ZNF143: variants seen among roughly 807,000 people sequenced by gnomAD.
The protein encoded by ZNF143 is zinc finger protein 143, also known as SPH-binding factor.
ZNF143 carries 49 observed loss-of-function variants against 74.1 expected under a neutral mutation model. The observed-to-expected ratio is 0.66, with a 90% confidence interval of 0.53 to 0.84. ZNF143 has a LOEUF of 0.84. Among genes scored for constraint, ZNF143 ranks in the 40% least tolerant of loss-of-function variants. ZNF143 has a pLI of 0.00. For missense variants in ZNF143, 637 were observed against 793.4 expected (o/e 0.80, Z 2.37); for synonymous variants, 304 against 282.8 (o/e 1.07, Z -0.75).
chr11:9,525,104 T>G, intron 14 of ZNF143, 136 bp from the exon 15 acceptor site: 1 of 1,023,308 alleles, frequency 9.8e-7, no homozygotes, highest in Non-Finnish European at 1.4e-6. Flanking sequence ...CCTTTCAATA[T>G]AGGCTTTGAC....
At chr11:9,493,872 A>G (rs891128554) in intron 7 of ZNF143, among the ~76,000 whole-genome samples, 2 of 152,224 alleles carry the variant, frequency 1.3e-5, no homozygotes, top group African/African-American at 2.4e-5. Context: ...TCTAGTGAAT[A>G]TAAGTACAGA....
At chr11:9,510,229 A>G (rs1444658756) in intron 12 of ZNF143, among the ~76,000 whole-genome samples, 1 of 149,538 alleles carries the variant, frequency 6.7e-6, no homozygotes, top group Non-Finnish European at 1.5e-5. Context: ...GGTTCATTCC[A>G]TTCTCCTGCC....
Position 9,512,392 on chromosome 11 carries a change from A to G in ZNF143, c.1376-56A>G, listed in dbSNP as rs545474934. The G allele has an allele frequency of 1.4e-5, 22 of 1,575,840 alleles. 1 individual carries two copies. Among genetic ancestry groups the G allele is most frequent in the Middle Eastern group, 2.1e-4 (1 of 4,840 alleles). ...TTCTCTTTAATATTTAAAATGTCCT[A>G]TTTTCTAAACAAATTGGTTGGTTGG... On this transcript the variant is annotated intron_variant, in intron 12 of 15. Transcript: ENST00000396602.
intron 7 of ZNF143, among the ~76,000 whole-genome samples, chr11:9,491,102 C>A (rs1186316828): frequency 6.6e-6 from 1 of 152,196 alleles, no homozygotes; most frequent in Non-Finnish European, 1.5e-5. Context: ...ATTTCACATA[C>A]TAGCTGGGCA....
chr11:9,471,208 C>A, intron 1 of ZNF143, 94 bp from the exon 2 acceptor site: 1 of 1,040,778 alleles, frequency 9.6e-7, no homozygotes, highest in Non-Finnish European at 1.4e-6. Flanking sequence ...ACCATTACAT[C>A]CTCAGCAGCT....
intron 7 of ZNF143, among the ~76,000 whole-genome samples, chr11:9,491,317 A>T (rs73406277): frequency 0.035 from 5,286 of 149,416 alleles, 290 homozygotes; most frequent in African/African-American, 0.12. Flanking sequence ...TTTCTATTTT[A>T]TTTCTGTATT....
rs1368877004 is a variant in ZNF143 at position 9,516,270 on chromosome 11, C to T, written c.1594C>T (p.Pro532Ser). 1 of 1,614,078 alleles carries T rather than the reference C, an allele frequency of 6.2e-7. No individual in the cohort carries two copies. Among genetic ancestry groups the T allele is most frequent in the Non-Finnish European group, 8.5e-7 (1 of 1,179,944 alleles). Residue 532 changes from proline to serine, a missense_variant, in exon 14 of 16, where the codon CCC (proline) becomes TCC (serine). Physicochemically the swap from Pro to Ser is moderately conservative, Grantham distance 74 (BLOSUM62 -1). Coordinates refer to ENST00000396602, the MANE Select transcript of ZNF143 (RefSeq NM_003442.6). ...CACAATGGTAACGCAGGATGGCACG[C>T]CCATCACAGTCCCCGCCCATGATGC... is the stretch of plus-strand genomic sequence containing the variant. ...TITMVTQDGT[P>S]ITVPAHDAVI...
intron 10 of ZNF143, among the ~76,000 whole-genome samples, chr11:9,498,267 G>C (rs981621181): frequency 6.6e-6 from 1 of 152,216 alleles, no homozygotes; most frequent in South Asian, 2.1e-4. Context: ...CTGCTTTTCA[G>C]GGTGAGGGCT....
chr11:9,497,602 C>A, intron 9 of ZNF143, 73 bp from the exon 10 acceptor site: 1 of 1,178,444 alleles, frequency 8.5e-7, no homozygotes, highest in Non-Finnish European at 1.2e-6. Context: ...CTATATTTTT[C>A]AGTAGCTTAT....
In ZNF143 at chr11:9,477,162, CCTTCCTT is replaced by C. The variant is rs1565029239; in HGVS notation, c.374-1226_374-1220del. Among the ~76,000 whole-genome samples the C allele has an allele frequency of 8.2e-3, 1,172 of 142,112 alleles. 39 individuals carry two copies. Among genetic ancestry groups the C allele is most frequent in the African/African-American group, 0.031 (1,124 of 36,604 alleles). The allele number at this position is 142,112 out of a possible 152,430, so 93.2% of individuals were successfully genotyped here. A position where few individuals can be genotyped will look rare whatever the true frequency, so the allele number is the denominator to read the frequency against. On this transcript the variant is annotated intron_variant, in intron 5 of 15. Coordinates refer to ENST00000396602, the MANE Select transcript of ZNF143 (RefSeq NM_003442.6). ...TCCTTCCTTCCTTCCTTCCTTCCTT[CCTTCCTT>C]CCTCCTCTCCCTTCCCTCCTTTCCC...
chr11:9,504,436 T>G (rs2134121366), intron 11 of ZNF143, among the ~76,000 whole-genome samples: 1 of 126,828 alleles, frequency 7.9e-6, no homozygotes, highest in Admixed American at 8.4e-5. Context: ...AGATATTTTC[T>G]TCCATTCTGT....
intron 9 of ZNF143, among the ~76,000 whole-genome samples, 197 bp downstream of exon 9, chr11:9,496,575 G>T (rs540062071): frequency 2.0e-5 from 3 of 151,740 alleles, no homozygotes; most frequent in South Asian, 4.2e-4. Flanking sequence ...ACCTGTCTCT[G>T]CCTGCTGTGT....
At chr11:9,473,328 T>C (rs1590510634) in intron 3 of ZNF143, among the ~76,000 whole-genome samples, 1 of 150,870 alleles carries the variant, frequency 6.6e-6, no homozygotes, top group Admixed American at 6.6e-5. Flanking sequence ...GAGGCAGAGG[T>C]TGCAGTGAGC....
At chr11:9,508,977 C>T (rs1014173744) in intron 12 of ZNF143, 131 bp downstream of exon 12, 1 of 963,886 alleles carries the variant, frequency 1.0e-6, no homozygotes, top group Non-Finnish European at 1.5e-6. Context: ...TAATTTACAG[C>T]TGCAGTAAGT....
intron 7 of ZNF143, among the ~76,000 whole-genome samples, chr11:9,486,412 A>ATATT (rs1491276045): frequency 1.0e-4 from 2 of 19,324 alleles, no homozygotes; most frequent in East Asian, 2.2e-3. Context: ...TTATATATAT[A>ATATT]ATATATATTA....
At chr11:9,491,482 C>A (rs776615292) in intron 7 of ZNF143, among the ~76,000 whole-genome samples, 5 of 151,856 alleles carry the variant, frequency 3.3e-5, no homozygotes, top group South Asian at 4.2e-4. Flanking sequence ...TAAAAACACA[C>A]AAAAAAATTA....
intron 2 of ZNF143, among the ~76,000 whole-genome samples, chr11:9,472,129 A>T (rs551850929): frequency 6.6e-6 from 1 of 150,406 alleles, no homozygotes; most frequent in Non-Finnish European, 1.5e-5. Flanking sequence ...GGGTTTCACC[A>T]TGTTGCCCAG....
rs191395079 is a variant in ZNF143, at chr11:9,467,899, A to C, written c.-7-3403A>C. ...GTCAGGAATTCCTTCTATAATTTTCACAATTATCTAATGATGCTTTGCTTT... is the reference window on the plus strand; with the variant it reads ...GTCAGGAATTCCTTCTATAATTTTCCCAATTATCTAATGATGCTTTGCTTT... On this transcript the variant is annotated intron_variant, in intron 1 of 15. Coordinates refer to ENST00000396602, the MANE Select transcript of ZNF143 (RefSeq NM_003442.6). 2.6e-5 allele frequency among the ~76,000 whole-genome samples: 4 copies of C among 151,502 alleles called. No homozygotes were observed. In the East Asian group the frequency reaches 7.8e-4, roughly 29 times the overall value.
At chr11:9,517,933 A>C (rs1350146124) in intron 14 of ZNF143, among the ~76,000 whole-genome samples, 3 of 152,218 alleles carry the variant, frequency 2.0e-5, no homozygotes, top group Admixed American at 1.3e-4. Flanking sequence ...GTTAAGAAAA[A>C]GATCAGACAA....
Sources: gnomAD v4.1 joint callset for allele counts (sites outside exome capture counted in the v4.1 genomes callset) on GRCh38, gnomAD v4.1.1 for gene constraint, MANE v1.5 for transcripts, NCBI Gene and HGNC (gene_info 2026-07-23, HGNC 2026-07-21) for gene names.